The following STOX1 variants were observed in gnomAD, a reference collection of about 807,000 sequenced individuals.
STOX1 encodes the protein storkhead box 1, also known as storkhead-box protein 1.
STOX1 carries 57 observed loss-of-function variants against 74.8 expected under a neutral mutation model. The ratio of observed to expected loss-of-function variants is 0.76; its 90% confidence interval spans 0.62 to 0.95. The LOEUF (loss-of-function observed/expected upper bound fraction) is 0.95. Among genes scored for constraint, STOX1 ranks in the 40% least tolerant of loss-of-function variants. The pLI is 0.00. For missense variants in STOX1, 1,010 were observed against 1,117.0 expected, an observed-to-expected ratio of 0.90 and a Z score of 1.37; for synonymous variants, 375 against 401.3, an observed-to-expected ratio of 0.93 and a Z score of 0.78.
chr10:68,856,473 G>A (rs1840128776), intron 1 of STOX1, among the ~76,000 whole-genome samples: 2 of 152,024 alleles, frequency 1.3e-5, no homozygotes, highest in South Asian at 4.1e-4. Flanking sequence ...GCATTCCTCA[G>A]CATCCGTCTC....
chr10:68,836,404 T>C (rs906613755), intron 1 of STOX1, among the ~76,000 whole-genome samples: 1 of 152,094 alleles, frequency 6.6e-6, no homozygotes, highest in African/African-American at 2.4e-5. Context: ...AGAGAATGGG[T>C]CTGGATTCTT....
Position 68,885,064 on chromosome 10 carries a change from A to C in STOX1, c.1268A>C (p.Gln423Pro), listed in dbSNP as rs1840907803. ...AGGCAGGGTCTGTCTGCAAAACCTC[A>C]AGGGCAGGGCCATTCTCGAAGGGAT... is the stretch of plus-strand genomic sequence containing the variant. ...KKRQGLSAKP[Q>P]GQGHSRRDRH... Residue 423 changes from glutamine (Q) to proline (P), a missense_variant, in exon 3 of 4, where the codon CAA (glutamine) becomes CCA (proline). Physicochemically the swap from Gln to Pro is moderately conservative, Grantham distance 76. Coordinates refer to ENST00000298596, the MANE Select transcript of STOX1 (RefSeq NM_152709.5). 1.2e-6 allele frequency: 2 copies of C among 1,614,128 alleles called. No individual in the cohort carries two copies. Among genetic ancestry groups the C allele is most frequent in the East Asian group, 4.5e-5 (2 of 44,884 alleles).
Position 68,885,854 on chromosome 10 carries a change from A to G in STOX1, c.2058A>G (p.Arg686=), listed in dbSNP as rs369598773. The change falls in exon 3 of 4, where the codon AGA becomes AGG. Residue 686 remains arginine (R), a synonymous_variant. Transcript: ENST00000298596. ...VGVNPLRQAA[R]QDKDSEELLR... ...TGAACCCTTTAAGACAAGCTGCAAG[A>G]CAAGACAAAGACTCAGAAGAATTAT... The G allele has an allele frequency of 1.9e-6, 3 of 1,614,110 alleles. No individual in the cohort carries two copies. The highest frequency in any genetic ancestry group is 1.7e-6 in the Non-Finnish European group (2 of 1,180,040).
At chr10:68,853,318 C>T (rs560776489) in intron 1 of STOX1, among the ~76,000 whole-genome samples, 7 of 152,244 alleles carry the variant, frequency 4.6e-5, no homozygotes, top group Admixed American at 1.3e-4. Flanking sequence ...CTGCAGAACT[C>T]GCGAGGGCAG....
chr10:68,886,164 G>T lies in STOX1; in HGVS notation c.2368G>T (p.Glu790Ter). The T allele has an allele frequency of 6.2e-7, 1 of 1,614,184 alleles. No individual in the cohort carries two copies. The highest frequency in any genetic ancestry group is 8.5e-7 in the Non-Finnish European group (1 of 1,180,030). Residue 790 changes from glutamate (E) to a stop codon, truncating the protein, a stop_gained, in exon 3 of 4, where the codon GAG becomes TAG. Transcript: ENST00000298596. LOFTEE classifies it high-confidence loss of function. The stretch of plus-strand genomic sequence containing the variant: ...GTACAACAGCACAATGGAGAGGGTT[G>T]AGTCTCAGGTGCTTAAAAGAAATGA... Reference protein sequence around the residue: ...TEYNSTMERVESQVLKRNECY... With the variant: ...TEYNSTMERV
chr10:68,848,419 G>A (rs1028191755), intron 1 of STOX1, among the ~76,000 whole-genome samples: 2 of 152,114 alleles, frequency 1.3e-5, no homozygotes, highest in African/African-American at 4.8e-5. Context: ...GGCTTTCCAT[G>A]CTACTGCTTG....
chr10:68,882,559 A>G (rs939560715), intron 2 of STOX1, among the ~76,000 whole-genome samples: 32 of 149,968 alleles, frequency 2.1e-4, no homozygotes, highest in African/African-American at 7.4e-4. Context: ...GTGCAGTGGC[A>G]CCATCTCGGC....
At chr10:68,882,553 A>G (rs1238134515) in intron 2 of STOX1, among the ~76,000 whole-genome samples, 3 of 150,154 alleles carry the variant, frequency 2.0e-5, no homozygotes, top group Non-Finnish European at 4.4e-5. Context: ...GCTAGAGTGC[A>G]GTGGCACCAT....
At chr10:68,887,246 C>A (rs975848608) in intron 3 of STOX1, among the ~76,000 whole-genome samples, 6 of 151,130 alleles carry the variant, frequency 4.0e-5, no homozygotes, top group African/African-American at 1.5e-4. Flanking sequence ...CTATTCCTGG[C>A]TCTACACAGG....
Position 68,892,712 on chromosome 10 carries a change from G to A in STOX1, c.2946G>A (p.Pro982=), listed in dbSNP as rs1242224751. ...SQPLTSNSLL[P]LTPVINV is the part of the protein sequence containing the mutation. ...CACTCACATCTAATTCCTTACTACC[G>A]CTAACTCCAGTCATAAACGTTTAAT... is the stretch of plus-strand genomic sequence containing the variant. The change falls in exon 4 of 4, where the codon CCG becomes CCA. Residue 982 remains proline (P), a synonymous_variant. Transcript: ENST00000298596. 3.0e-5 allele frequency: 48 copies of A among 1,613,832 alleles called. No individual in the cohort carries two copies. The highest frequency in any genetic ancestry group is 3.6e-5 in the Non-Finnish European group (43 of 1,179,886).
intron 1 of STOX1, among the ~76,000 whole-genome samples, chr10:68,846,116 G>GTTT (rs869245499): frequency 0.013 from 1,266 of 93,820 alleles, 30 homozygotes; most frequent in Admixed American, 0.067. Flanking sequence ...ATGGCTTGAG[G>GTTT]TTTTTATTAT....
rs546203203 is a variant in STOX1 at position 68,863,547 on chromosome 10, G to T, written c.311-18411G>T. ...TTTGACACCAGAGGCATTAACATGG[G>T]TTAAATTGTGAAAGTGTCTAGCATT... is the stretch of plus-strand genomic sequence containing the variant. On this transcript the variant is annotated intron_variant, in intron 1 of 3. Coordinates refer to ENST00000298596, the MANE Select transcript of STOX1 (RefSeq NM_152709.5). 9.9e-4 allele frequency among the ~76,000 whole-genome samples: 150 copies of T among 152,228 alleles called. 1 individual carries two copies. The highest frequency in any genetic ancestry group is 3.5e-3 in the African/African-American group (146 of 41,462).
chr10:68,895,247 G>A (rs941676313), downstream of STOX1: 1 of 152,088 alleles, frequency 6.6e-6, no homozygotes, highest in African/African-American at 2.4e-5. Flanking sequence ...TTTAGGAGAT[G>A]GGGTTTTGCC....
At chr10:68,890,649 CTTTTTTT>C (rs11366165) in intron 3 of STOX1, among the ~76,000 whole-genome samples, 1 of 117,378 alleles carries the variant, frequency 8.5e-6, no homozygotes. Flanking sequence ...AAGACCTTTT[CTTTTTTT>C]TTTTTTTTTT....
intron 3 of STOX1, among the ~76,000 whole-genome samples, chr10:68,887,390 C>T (rs1359568428): frequency 2.0e-5 from 3 of 152,078 alleles, no homozygotes; most frequent in African/African-American, 7.2e-5. Context: ...TCAAGTGATT[C>T]TCCTATCTCA....
chr10:68,851,311 A>AG (rs1182575194), intron 1 of STOX1, among the ~76,000 whole-genome samples: 1 of 151,980 alleles, frequency 6.6e-6, no homozygotes, highest in Non-Finnish European at 1.5e-5. Flanking sequence ...AAAAAAAAAA[A>AG]AAAAAGAAAA....
At chr10:68,895,221 T>C (rs1841170178), downstream of STOX1, 1 of 152,204 alleles carries the variant, frequency 6.6e-6, no homozygotes, top group Admixed American at 6.5e-5. Flanking sequence ...GTAAGGTTTT[T>C]CATTTGTTCT....
At chr10:68,830,108 G>T (rs924878738) in intron 1 of STOX1, among the ~76,000 whole-genome samples, 5 of 152,132 alleles carry the variant, frequency 3.3e-5, no homozygotes, top group African/African-American at 1.2e-4. Flanking sequence ...GTAAATGCTG[G>T]TGTCTGTGTT....
At chr10:68,868,517 G>C (rs1251806148) in intron 1 of STOX1, among the ~76,000 whole-genome samples, 1 of 152,132 alleles carries the variant, frequency 6.6e-6, no homozygotes, top group East Asian at 1.9e-4. Flanking sequence ...GAGCATCATA[G>C]CCATCACGAG....
Sources: gnomAD v4.1 joint callset for allele counts (sites outside exome capture counted in the v4.1 genomes callset) on GRCh38, gnomAD v4.1.1 for gene constraint, MANE v1.5 for transcripts, NCBI Gene and HGNC (gene_info 2026-07-23, HGNC 2026-07-21) for gene names.